The following PIK3C2A variants were observed in gnomAD, a reference collection of about 807,000 sequenced individuals.
PIK3C2A encodes phosphatidylinositol-4-phosphate 3-kinase catalytic subunit type 2 alpha.
A neutral mutation model predicts 204.5 loss-of-function variants in PIK3C2A; 97 were observed. The ratio of observed to expected loss-of-function variants is 0.47; its 90% CI spans 0.40 to 0.56. The LOEUF is 0.56. Among genes scored for constraint, PIK3C2A ranks in the 20% least tolerant of loss-of-function variants. PIK3C2A has a pLI of 0.00. For synonymous variants in PIK3C2A, 653 were observed against 664.4 expected, an observed-to-expected ratio of 0.98 and a Z score of 0.26; for missense variants, 1,735 against 1,969.2, an observed-to-expected ratio of 0.88 and a Z score of 2.25.
intron 1 of PIK3C2A, among the ~76,000 whole-genome samples, chr11:17,185,649 C>T (rs1851728236): frequency 6.6e-6 from 1 of 152,106 alleles, no homozygotes; most frequent in Admixed American, 6.6e-5. Context: ...TTAGAAAATT[C>T]TAATTCAGTT....
rs960812150 is a variant in PIK3C2A, at chr11:17,087,480, A to T, written c.*2258T>A. On this transcript the variant is annotated 3_prime_UTR_variant, in exon 33 of 33. Transcript: ENST00000691414. ...GAACTCTTAACTGTACAGTATTATA[A>T]TATACACTTAGATATGAATCCAGAT... The T allele has an allele frequency of 2.6e-5, 4 of 152,130 alleles. No individual in the cohort carries two copies. Among genetic ancestry groups the T allele is most frequent in the African/African-American group, 9.6e-5 (4 of 41,464 alleles). The allele number at this position is 152,130 out of a possible 1,614,324, so 9.4% of individuals were successfully genotyped here. A position where few individuals can be genotyped will look rare whatever the true frequency, so the allele number is the denominator to read the frequency against.
At chr11:17,202,175 G>C (rs1852409958) in intron 1 of PIK3C2A, among the ~76,000 whole-genome samples, 1 of 150,010 alleles carries the variant, frequency 6.7e-6, no homozygotes, top group African/African-American at 2.4e-5. Flanking sequence ...AGAATCACTT[G>C]AACCCAGGAG....
rs946708967 is a variant in PIK3C2A at position 17,168,768 on chromosome 11, C to G, written c.974G>C (p.Gly325Ala). ...ANCHLERKVN[G>A]KSLSVATVTR... is the part of the protein sequence containing the mutation. ...AACAGTTGCCACAGAAAGGGATTTT[C>G]CATTCACCTTTCTTTCAAGATGACA... The change falls in exon 2 of 33, where the codon GGA becomes GCA. Residue 325 changes from glycine (G) to alanine (A), a missense_variant. Transcript: ENST00000691414. 8 of 1,613,784 alleles carry G rather than the reference C, an allele frequency of 5.0e-6. No individual in the cohort carries two copies. Among genetic ancestry groups the G allele is most frequent in the Non-Finnish European group, 6.8e-6 (8 of 1,179,826 alleles).
intron 1 of PIK3C2A, among the ~76,000 whole-genome samples, chr11:17,202,116 C>A (rs1852408134): frequency 1.3e-5 from 2 of 151,874 alleles, no homozygotes; most frequent in Admixed American, 1.3e-4. Flanking sequence ...ATTATCCGGG[C>A]ATGGTGGCAT....
At chr11:17,178,711 G>GT (rs1362225382) in intron 1 of PIK3C2A, among the ~76,000 whole-genome samples, 1,373 of 89,254 alleles carry the variant, frequency 0.015, 394 homozygotes, top group Non-Finnish European at 0.021. Context: ...GTTGATTTTT[G>GT]AATTTTTTTT....
intron 19 of PIK3C2A, 35 bp downstream of exon 19, chr11:17,117,456 T>A (rs910448231): frequency 2.7e-6 from 4 of 1,465,456 alleles, no homozygotes; most frequent in Non-Finnish European, 3.8e-6. Flanking sequence ...TCCTTTAACA[T>A]TAACACATTT....
At chr11:17,176,306 T>C (rs574041571) in intron 1 of PIK3C2A, among the ~76,000 whole-genome samples, 135 of 151,804 alleles carry the variant, frequency 8.9e-4, no homozygotes, top group Non-Finnish European at 1.6e-3. Context: ...TGAGCCCAGC[T>C]GGAACTGAAT....
chr11:17,163,616 A>G (rs1451258238), intron 2 of PIK3C2A, among the ~76,000 whole-genome samples: 2 of 151,470 alleles, frequency 1.3e-5, no homozygotes, highest in Admixed American at 1.3e-4. Context: ...GTCTCCCTAC[A>G]TTCCCCAGAT....
chr11:17,145,641 T>C (rs753562450), intron 8 of PIK3C2A, 27 bp downstream of exon 8: 1 of 1,426,306 alleles, frequency 7.0e-7, no homozygotes, highest in Non-Finnish European at 9.8e-7. Context: ...TTTAAGTCAT[T>C]ATGCCAAAAT....
rs1370986782 is a variant in PIK3C2A at position 17,087,258 on chromosome 11, A to G, written c.*2480T>C. 1.3e-5 allele frequency: 2 copies of G among 152,220 alleles called. No individual in the cohort carries two copies. The highest frequency in any genetic ancestry group is 1.3e-4 in the Admixed American group (2 of 15,268). The allele number at this position is 152,220 out of a possible 1,614,324, so 9.4% of individuals were successfully genotyped here. On this transcript the variant is annotated 3_prime_UTR_variant, in exon 33 of 33. Coordinates refer to ENST00000691414, the MANE Select transcript of PIK3C2A (RefSeq NM_002645.4). Reference sequence around the variant, plus strand: ...TAGATTTACTTTAATGTCAGCTTTTAAAAAATGCTTAAAAATCCAACTGAT... The same window carrying G: ...TAGATTTACTTTAATGTCAGCTTTTGAAAAATGCTTAAAAATCCAACTGAT...
intron 1 of PIK3C2A, among the ~76,000 whole-genome samples, chr11:17,179,164 CTATT>C (rs991626954): frequency 6.6e-6 from 1 of 151,964 alleles, no homozygotes. Context: ...CGCACCTGGC[CTATT>C]TATTTATTTT....
intron 22 of PIK3C2A, among the ~76,000 whole-genome samples, chr11:17,105,874 C>A (rs760291943): frequency 1.3e-5 from 2 of 151,930 alleles, no homozygotes; most frequent in African/African-American, 2.4e-5. Context: ...TCTGGGAGGC[C>A]GAGGTGGGTG....
chr11:17,111,311 T>C (rs1334471442), intron 21 of PIK3C2A, among the ~76,000 whole-genome samples: 1 of 152,202 alleles, frequency 6.6e-6, no homozygotes, highest in Non-Finnish European at 1.5e-5. Flanking sequence ...GATACTGCAC[T>C]ACAGTTATAC....
chr11:17,137,423 C>CTTTTTTTTTTTTTTTTTTTTT lies in PIK3C2A; in HGVS notation c.1705-799_1705-798insAAAAAAAAAAAAAAAAAAAAA, dbSNP rs33912263. Among the ~76,000 whole-genome samples, 2 of 125,050 alleles carry CTTTTTTTTTTTTTTTTTTTTT rather than the reference C, an allele frequency of 1.6e-5. 1 individual carries two copies. The allele number at this position is 125,050 out of a possible 152,430, so 82.0% of individuals were successfully genotyped here. ...CCTATATTACTTCATATTACTTTGC[C>CTTTTTTTTTTTTTTTTTTTTT]TTTTTTTTTGAGACGGACTCTCATT... On this transcript the variant is annotated intron_variant, in intron 8 of 32. Transcript: ENST00000691414.
At chr11:17,202,611 T>C (rs1234701566) in intron 1 of PIK3C2A, among the ~76,000 whole-genome samples, 2 of 150,250 alleles carry the variant, frequency 1.3e-5, no homozygotes, top group African/African-American at 2.5e-5. Context: ...CCTAGCATTG[T>C]TAAGACCTGA....
chr11:17,137,777 T>G (rs915702537), intron 8 of PIK3C2A, among the ~76,000 whole-genome samples: 1 of 152,136 alleles, frequency 6.6e-6, no homozygotes, highest in African/African-American at 2.4e-5. Context: ...TTCCTCTGCT[T>G]TCCTTTCTGA....
intron 1 of PIK3C2A, among the ~76,000 whole-genome samples, chr11:17,200,933 C>T (rs756351989): frequency 2.0e-5 from 3 of 152,182 alleles, no homozygotes; most frequent in Non-Finnish European, 4.4e-5. Flanking sequence ...AAGCCGGGCA[C>T]GGTGGCTCAT....
intron 8 of PIK3C2A, among the ~76,000 whole-genome samples, chr11:17,144,456 G>A (rs1435195939): frequency 6.6e-6 from 1 of 152,160 alleles, no homozygotes; most frequent in Non-Finnish European, 1.5e-5. Context: ...CATATAGTAA[G>A]CATCCAATAA....
intron 8 of PIK3C2A, among the ~76,000 whole-genome samples, chr11:17,142,674 C>T (rs541924075): frequency 2.2e-5 from 2 of 90,104 alleles, no homozygotes; most frequent in African/African-American, 9.1e-5. Context: ...GATCTGTGAT[C>T]ACACCACTGC....
Sources: gnomAD v4.1 joint callset for allele counts (sites outside exome capture counted in the v4.1 genomes callset) on GRCh38, gnomAD v4.1.1 for gene constraint, MANE v1.5 for transcripts, NCBI Gene and HGNC (gene_info 2026-07-23, HGNC 2026-07-21) for gene names.